The following MICAL3 variants were observed in gnomAD, a reference collection of about 807,000 sequenced individuals.
The protein encoded by MICAL3 is [F-actin]-monooxygenase MICAL3.
In MICAL3, 62 loss-of-function variants were observed where a neutral mutation model predicts 207.4. The observed-to-expected ratio is 0.30, with a 90% CI of 0.24 to 0.37. The LOEUF (loss-of-function observed/expected upper bound fraction) is 0.37. Ranked by LOEUF, MICAL3 falls within the 10% of genes least tolerant of loss-of-function variation. The pLI is 1.00. For missense variants in MICAL3, 2,368 were observed against 2,635.6 expected, an observed-to-expected ratio of 0.90 and a Z score of 2.22; for synonymous variants, 1,077 against 1,069.3, an observed-to-expected ratio of 1.01 and a Z score of -0.14.
At chr22:17,972,940 CT>C (rs1160146125) in intron 1 of MICAL3, among the ~76,000 whole-genome samples, 2 of 152,238 alleles carry the variant, frequency 1.3e-5, no homozygotes, top group African/African-American at 4.8e-5. Flanking sequence ...CCACCCAGAC[CT>C]GCCCTCAGGC....
chr22:17,918,127 T>G (rs1932649963), intron 1 of MICAL3, among the ~76,000 whole-genome samples: 1 of 152,190 alleles, frequency 6.6e-6, no homozygotes, highest in Admixed American at 6.5e-5. Context: ...TATAAAATAA[T>G]GGCCTACAAG....
chr22:17,843,120 C>CAAAA (rs71966425), intron 19 of MICAL3, among the ~76,000 whole-genome samples: 2,999 of 62,790 alleles, frequency 0.048, 222 homozygotes, highest in African/African-American at 0.097. Context: ...GACTTCATCT[C>CAAAA]AAAAAAAAAA....
intron 29 of MICAL3, among the ~76,000 whole-genome samples, chr22:17,807,057 T>G (rs2061996161): frequency 6.6e-6 from 1 of 152,222 alleles, no homozygotes; most frequent in Non-Finnish European, 1.5e-5. Flanking sequence ...GGCAGGGAGC[T>G]GTCTTCTTCC....
chr22:17,903,503 C>T (rs1931486170), intron 3 of MICAL3, among the ~76,000 whole-genome samples: 1 of 152,204 alleles, frequency 6.6e-6, no homozygotes, highest in South Asian at 2.1e-4. Flanking sequence ...GTTAATGACC[C>T]TTGGTTCTCT....
At chr22:18,009,064 T>C (rs1479834896) in intron 1 of MICAL3, among the ~76,000 whole-genome samples, 5 of 151,898 alleles carry the variant, frequency 3.3e-5, no homozygotes, top group Non-Finnish European at 5.9e-5. Context: ...TAGCCAGAAA[T>C]TCTATGCAGT....
rs539778147 is a variant in MICAL3 at position 17,862,160 on chromosome 22, G to A, written c.2605+2739C>T. ...AGTGCCGTCATCATCGCCTCTACTG[G>A]TCGAGTGCACAGTAGAGGCGGTTAC... On this transcript the variant is annotated intron_variant, in intron 19 of 31. Transcript: ENST00000441493. 54 of 985,152 alleles carry A rather than the reference G, an allele frequency of 5.5e-5. No homozygotes were observed. The Admixed American group carries it at 8.6e-4, about 16-fold the overall frequency. 61.0% of individuals were successfully genotyped at this position (985,152 alleles called of 1,614,324 possible).
chr22:17,943,635 G>A (rs1254638075), intron 1 of MICAL3, among the ~76,000 whole-genome samples: 1 of 152,244 alleles, frequency 6.6e-6, no homozygotes, highest in Non-Finnish European at 1.5e-5. Context: ...GCGATGTGCA[G>A]CCATGGCTCT....
intron 19 of MICAL3, chr22:17,861,448 A>C: frequency 1.0e-6 from 1 of 985,434 alleles, no homozygotes; most frequent in Non-Finnish European, 1.2e-6. Context: ...GCACTCGGGG[A>C]AAAAGCTCTT....
At chr22:17,878,546 T>A (rs1171139673) in intron 16 of MICAL3, among the ~76,000 whole-genome samples, 1 of 152,188 alleles carries the variant, frequency 6.6e-6, no homozygotes, top group African/African-American at 2.4e-5. Flanking sequence ...TGCTTGGCCA[T>A]AACTGCATTT....
At chr22:17,861,927 G>T in intron 19 of MICAL3, 9 of 985,312 alleles carry the variant, frequency 9.1e-6, no homozygotes, top group Non-Finnish European at 1.1e-5. Context: ...GTGTGGGTGT[G>T]TTTTTTTGTT....
intron 1 of MICAL3, among the ~76,000 whole-genome samples, chr22:17,998,970 T>G (rs1181060333): frequency 6.6e-6 from 1 of 152,214 alleles, no homozygotes; most frequent in Non-Finnish European, 1.5e-5. Flanking sequence ...TCTGTTCACA[T>G]GGAACCTGCT....
intron 28 of MICAL3, 134 bp downstream of exon 28, chr22:17,810,569 G>A (rs890247852): frequency 3.0e-6 from 2 of 667,802 alleles, no homozygotes; most frequent in African/African-American, 3.6e-5. Context: ...AAGGTGACCT[G>A]GGTGGCAGGG....
chr22:17,871,956 C>T lies in MICAL3; in HGVS notation c.2309G>A (p.Arg770Gln), dbSNP rs775297801. ...GSDTCYFCQK[R>Q]VYVMERLSAE... The stretch of plus-strand genomic sequence containing the variant: ...ACTCAGCCTCTCCATCACGTAGACC[C>T]GCTTCTGGCAGAAGTAGCATGTGTC... The change falls in exon 17 of 32, where the codon CGG becomes CAG. Residue 770 changes from arginine (R) to glutamine (Q), a missense_variant. Physicochemically the swap from Arg to Gln is conservative, Grantham distance 43. This residue lies in a region of MICAL3 where 1,770 missense variants were observed against 1,863.2 expected (regional missense o/e 0.95). Coordinates refer to ENST00000441493, the MANE Select transcript of MICAL3 (RefSeq NM_015241.3). 7.4e-6 allele frequency: 12 copies of T among 1,611,050 alleles called. No homozygotes were observed. Among genetic ancestry groups the T allele is most frequent in the Non-Finnish European group, 1.0e-5 (12 of 1,178,876 alleles).
At chr22:17,938,983 T>C (rs946010945) in intron 1 of MICAL3, among the ~76,000 whole-genome samples, 1 of 152,084 alleles carries the variant, frequency 6.6e-6, no homozygotes, top group East Asian at 1.9e-4. Flanking sequence ...CATGTAGAAA[T>C]TTCATCTCCA....
intron 19 of MICAL3, chr22:17,860,487 G>A (rs1926401703): frequency 1.0e-6 from 1 of 985,476 alleles, no homozygotes; most frequent in African/African-American, 1.7e-5. Flanking sequence ...GAATGGCTCG[G>A]GAGAAAAGTG....
At chr22:17,950,647 T>G (rs950560436) in intron 1 of MICAL3, among the ~76,000 whole-genome samples, 20 of 152,100 alleles carry the variant, frequency 1.3e-4, no homozygotes, top group Admixed American at 1.1e-3. Context: ...AGCTGTCCAT[T>G]TTAAAACACA....
chr22:17,994,493 A>C (rs1412755459), intron 1 of MICAL3, among the ~76,000 whole-genome samples: 1 of 152,154 alleles, frequency 6.6e-6, no homozygotes, highest in Non-Finnish European at 1.5e-5. Flanking sequence ...TGCAGGGATC[A>C]CCTGAGCCCA....
intron 1 of MICAL3, among the ~76,000 whole-genome samples, chr22:17,956,231 T>C (rs1457646659): frequency 6.6e-6 from 1 of 152,274 alleles, no homozygotes; most frequent in Admixed American, 6.5e-5. Flanking sequence ...TGCTAAGCCA[T>C]GGGGCTAGAA....
At position 17,865,129 on chromosome 22, in the gene MICAL3, A is replaced by G. The variant is rs191898202; in HGVS notation, c.2518-143T>C. On this transcript the variant is annotated intron_variant, in intron 18 of 31. Transcript: ENST00000441493. ...TATTTATTTATTTATTTATTTATTT[A>G]AGAGACAGGGCCTTGCTGGCACCCA... 244 of 611,466 alleles carry G rather than the reference A, an allele frequency of 4.0e-4. 2 individuals carry two copies. The East Asian group carries it at 0.014, about 36-fold the overall frequency. The allele number at this position is 611,466 out of a possible 1,614,324, so 37.9% of individuals were successfully genotyped here. A position where few individuals can be genotyped will look rare whatever the true frequency, so the allele number is the denominator to read the frequency against.
Sources: allele counts gnomAD v4.1 joint callset (sites outside exome capture counted in the v4.1 genomes callset), GRCh38; gene constraint gnomAD v4.1.1; regional missense constraint gnomAD v4.1.1; transcripts MANE v1.5; gene names NCBI Gene and HGNC (gene_info 2026-07-23, HGNC 2026-07-21).